Variants in GALNT13 observed in about 807,000 individuals in gnomAD.
GALNT13 encodes polypeptide N-acetylgalactosaminyltransferase 13, also known as UDP-GalNAc:polypeptide N-acetylgalactosaminyltransferase 13.
GALNT13 carries 28 observed loss-of-function variants against 64.2 expected under a neutral mutation model. The observed-to-expected ratio is 0.44, with a 90% CI of 0.32 to 0.60. The LOEUF (loss-of-function observed/expected upper bound fraction) is 0.60, where lower values mean the gene tolerates loss of function less well. GALNT13 is among the 20% of genes least tolerant of loss of function. The pLI, the probability that GALNT13 is intolerant of heterozygous loss-of-function variation, is 0.05. For missense variants in GALNT13, 577 were observed against 669.8 expected (o/e 0.86, Z 1.53); for synonymous variants, 214 against 224.6 (o/e 0.95, Z 0.42).
the GALNT13 span, among the ~76,000 whole-genome samples, chr2:153,480,518 T>G: frequency 6.6e-6 from 1 of 152,228 alleles, no homozygotes. Context: ...TAATTAGAAT[T>G]GAAAAATACC....
the GALNT13 span, among the ~76,000 whole-genome samples, chr2:153,542,350 ACACACACAC>A: frequency 6.7e-5 from 9 of 133,602 alleles, no homozygotes; most frequent in Admixed American, 1.4e-4. Context: ...AAACAAACAC[ACACACACAC>A]AAAAAAAAAA....
chr2:153,300,145 A>C, the GALNT13 span, among the ~76,000 whole-genome samples: 2 of 152,184 alleles, frequency 1.3e-5, no homozygotes, highest in African/African-American at 4.8e-5. Context: ...TTGGTTACTA[A>C]GGAACAGGTG....
chr2:153,222,115 C>G, the GALNT13 span, among the ~76,000 whole-genome samples: 2 of 151,976 alleles, frequency 1.3e-5, no homozygotes, highest in African/African-American at 2.4e-5. Context: ...ATGAGGTATG[C>G]GGACAACTGG....
At chr2:154,343,567 CAA>C (rs1280544356) in intron 9 of GALNT13, among the ~76,000 whole-genome samples, 2 of 152,144 alleles carry the variant, frequency 1.3e-5, no homozygotes, top group African/African-American at 4.8e-5. Context: ...AAACTTACAT[CAA>C]GTCAGTCAAT....
the GALNT13 span, among the ~76,000 whole-genome samples, chr2:153,622,332 T>G: frequency 1.3e-5 from 2 of 152,160 alleles, no homozygotes; most frequent in Non-Finnish European, 2.9e-5. Flanking sequence ...GGGAAATTAG[T>G]CATATTCATT....
chr2:153,124,965 T>C, the GALNT13 span, among the ~76,000 whole-genome samples: 1 of 152,216 alleles, frequency 6.6e-6, no homozygotes, highest in African/African-American at 2.4e-5. Flanking sequence ...TCTCAAATGA[T>C]GAAGCTATCG....
chr2:154,316,026 T>C (rs888366361), intron 9 of GALNT13, among the ~76,000 whole-genome samples: 3 of 152,108 alleles, frequency 2.0e-5, no homozygotes, highest in Admixed American at 2.0e-4. Context: ...AGGCAGGAGT[T>C]GCAGTGAGCT....
intron 2 of GALNT13, among the ~76,000 whole-genome samples, chr2:153,912,005 G>C (rs1193795246): frequency 6.6e-6 from 1 of 152,208 alleles, no homozygotes; most frequent in East Asian, 1.9e-4. Context: ...TGCTTCCCAA[G>C]TTGCTTCCAT....
At chr2:153,901,887 G>C (rs1175027080) in intron 2 of GALNT13, among the ~76,000 whole-genome samples, 1 of 152,060 alleles carries the variant, frequency 6.6e-6, no homozygotes, top group African/African-American at 2.4e-5. Context: ...ATTTGCAGTG[G>C]CTGACCACAG....
At chr2:153,458,326 A>T in the GALNT13 span, among the ~76,000 whole-genome samples, 2 of 152,094 alleles carry the variant, frequency 1.3e-5, no homozygotes, top group African/African-American at 4.8e-5. Context: ...TGAACCTCTC[A>T]TGACTTCTCA....
the GALNT13 span, among the ~76,000 whole-genome samples, chr2:153,764,267 T>G: frequency 6.6e-6 from 1 of 152,184 alleles, no homozygotes; most frequent in African/African-American, 2.4e-5. Context: ...CTGGGCATGG[T>G]GGCTCACACC....
Position 154,351,076 on chromosome 2 carries a change from T to C in GALNT13, c.1157-44915T>C, listed in dbSNP as rs79017132. 7.8e-3 allele frequency among the ~76,000 whole-genome samples: 1,184 copies of C among 152,226 alleles called. 13 individuals are homozygous for C. The highest frequency in any genetic ancestry group is 0.027 in the African/African-American group (1,126 of 41,544). ...TGCAAAGACAGGAAACTTAGAGGTC[T>C]GTGAAGGTTCACGTGTGCCATGTAA... On this transcript the variant is annotated intron_variant, in intron 9 of 12. Coordinates refer to ENST00000392825, the MANE Select transcript of GALNT13 (RefSeq NM_052917.4).
the GALNT13 span, among the ~76,000 whole-genome samples, chr2:153,634,477 A>T: frequency 6.6e-6 from 1 of 150,502 alleles, no homozygotes; most frequent in Non-Finnish European, 1.5e-5. Flanking sequence ...TTCTTCATCC[A>T]TTCATCCTTG....
chr2:154,172,953 A>G (rs1296000145), intron 4 of GALNT13, among the ~76,000 whole-genome samples: 1 of 152,096 alleles, frequency 6.6e-6, no homozygotes, highest in Non-Finnish European at 1.5e-5. Flanking sequence ...GGCATTATTC[A>G]CAGAAATAGA....
the GALNT13 span, among the ~76,000 whole-genome samples, chr2:153,531,937 G>A: frequency 6.6e-6 from 1 of 152,170 alleles, no homozygotes; most frequent in Admixed American, 6.5e-5. Context: ...GAGGCCTTCA[G>A]CGTCTCTGCC....
chr2:153,234,122 G>C, the GALNT13 span, among the ~76,000 whole-genome samples: 2 of 152,232 alleles, frequency 1.3e-5, no homozygotes, highest in East Asian at 3.9e-4. Context: ...CTATTTTGAT[G>C]TCATTGATTA....
chr2:153,921,907 TA>T (rs968972148), intron 2 of GALNT13, among the ~76,000 whole-genome samples: 8 of 151,468 alleles, frequency 5.3e-5, no homozygotes, highest in African/African-American at 1.9e-4. Flanking sequence ...ATAAGATGAA[TA>T]AAAAAAGGAT....
chr2:153,504,782 G>A, the GALNT13 span, among the ~76,000 whole-genome samples: 1 of 152,268 alleles, frequency 6.6e-6, no homozygotes, highest in African/African-American at 2.4e-5. Context: ...GATTTGGCTA[G>A]CTCGTATTTT....
the GALNT13 span, among the ~76,000 whole-genome samples, chr2:153,145,197 C>T: frequency 0.9 from 136,171 of 151,834 alleles, 62,183 homozygotes; most frequent in Non-Finnish European, 0.98. Flanking sequence ...GGATTGGTGA[C>T]TTTCAGTTTC....
Sources: allele counts gnomAD v4.1 joint callset (sites outside exome capture counted in the v4.1 genomes callset), GRCh38; gene constraint gnomAD v4.1.1; transcripts MANE v1.5; gene names NCBI Gene and HGNC (gene_info 2026-07-23, HGNC 2026-07-21).